Variants in PTPRT observed in about 807,000 individuals in gnomAD.
PTPRT encodes the protein receptor-type tyrosine-protein phosphatase T.
In PTPRT, 56 loss-of-function variants were observed where a neutral mutation model predicts 176.8. The observed-to-expected ratio is 0.32, with a 90% CI of 0.26 to 0.40. The LOEUF is 0.40. Ranked by LOEUF, PTPRT falls within the 10% of genes least tolerant of loss-of-function variation. The probability of loss-of-function intolerance (pLI) is 1.00; values close to 1 mark genes in which losing one functional copy is unlikely to be tolerated. For missense variants in PTPRT, 1,540 were observed against 1,908.2 expected (o/e 0.81, Z 3.60); for synonymous variants, 783 against 739.0 (o/e 1.06, Z -0.96).
intron 1 of PTPRT, among the ~76,000 whole-genome samples, chr20:43,116,581 A>G (rs369764050): frequency 6.6e-6 from 1 of 152,328 alleles, no homozygotes. Context: ...GACTTAGCTC[A>G]CACATTATCA....
the PTPRT span, among the ~76,000 whole-genome samples, chr20:42,062,886 G>C: frequency 1.3e-5 from 2 of 152,148 alleles, no homozygotes; most frequent in Non-Finnish European, 2.9e-5. Flanking sequence ...TATGCTGCCT[G>C]TGTCTCAGGG....
At chr20:42,321,195 G>C (rs1482324650) in intron 11 of PTPRT, among the ~76,000 whole-genome samples, 2 of 152,112 alleles carry the variant, frequency 1.3e-5, no homozygotes, top group Non-Finnish European at 2.9e-5. Context: ...TGAGGGCAGT[G>C]AACAGTCATC....
At chr20:43,178,232 C>T (rs1192498060) in intron 1 of PTPRT, among the ~76,000 whole-genome samples, 1 of 152,158 alleles carries the variant, frequency 6.6e-6, no homozygotes, top group Admixed American at 6.5e-5. Flanking sequence ...TCATCCCAGA[C>T]AATTTTGTTT....
At chr20:42,856,433 C>T (rs2078564675) in intron 2 of PTPRT, among the ~76,000 whole-genome samples, 1 of 152,056 alleles carries the variant, frequency 6.6e-6, no homozygotes, top group South Asian at 2.1e-4. Flanking sequence ...TTTTAAAACT[C>T]ACCCTGGAAG....
chr20:43,002,021 T>C lies in PTPRT; in HGVS notation c.89-116089A>G, dbSNP rs1984594612. Among the ~76,000 whole-genome samples, 5 of 152,278 alleles carry C rather than the reference T, an allele frequency of 3.3e-5. No individual in the cohort carries two copies. The Middle Eastern group carries it at 0.01, about 311-fold the overall frequency. On this transcript the variant is annotated intron_variant, in intron 1 of 30. Transcript: ENST00000373187. The stretch of plus-strand genomic sequence containing the variant: ...GAGGGAGAGACCTGGTAGGAAGTTA[T>C]TGGATTATGGGGGCGGCTTCCCCCA...
intron 26 of PTPRT, 146 bp downstream of exon 26, chr20:42,101,978 G>T: frequency 1.1e-6 from 1 of 924,808 alleles, no homozygotes; most frequent in South Asian, 1.9e-5. Flanking sequence ...AGCCTGCAGG[G>T]GAACAAAGGT....
At chr20:42,567,291 A>AAGAGAG (rs200210899) in intron 7 of PTPRT, among the ~76,000 whole-genome samples, 1 of 150,410 alleles carries the variant, frequency 6.6e-6, no homozygotes, top group South Asian at 2.1e-4. Context: ...AAAAAAATAA[A>AAGAGAG]AGAGAGAGAG....
intron 1 of PTPRT, among the ~76,000 whole-genome samples, chr20:43,119,949 G>C (rs369613872): frequency 3.9e-5 from 6 of 152,058 alleles, no homozygotes; most frequent in Admixed American, 2.6e-4. Flanking sequence ...TGAAACCCTC[G>C]GGCTTAGCAA....
intron 1 of PTPRT, among the ~76,000 whole-genome samples, chr20:42,913,131 A>C (rs1388897908): frequency 6.6e-6 from 1 of 152,222 alleles, no homozygotes; most frequent in Non-Finnish European, 1.5e-5. Flanking sequence ...AAAGTGCTTA[A>C]AAAGGTACCT....
Position 43,184,504 on chromosome 20 carries a change from C to T in PTPRT, c.88+5142G>A, listed in dbSNP as rs568598735. Among the ~76,000 whole-genome samples the T allele has an allele frequency of 4.8e-3, 730 of 152,158 alleles. 3 individuals carry two copies. The highest frequency in any genetic ancestry group is 0.011 in the South Asian group (51 of 4,810). On this transcript the variant is annotated intron_variant, in intron 1 of 30. Transcript: ENST00000373187. ...GGGATTGAGACCATCCTGGCTAACACGGTGAAACTCTGTCTCTACTAAAAA... is the reference window on the plus strand; with the variant it reads ...GGGATTGAGACCATCCTGGCTAACATGGTGAAACTCTGTCTCTACTAAAAA...
chr20:42,668,362 C>T (rs6093711), intron 7 of PTPRT, among the ~76,000 whole-genome samples: 1 of 152,120 alleles, frequency 6.6e-6, no homozygotes, highest in Admixed American at 6.5e-5. Flanking sequence ...ACACTGCCAC[C>T]TTCTACAGAG....
intron 1 of PTPRT, among the ~76,000 whole-genome samples, chr20:43,172,840 GC>G (rs910187379): frequency 4.0e-5 from 6 of 150,444 alleles, no homozygotes; most frequent in Admixed American, 1.3e-4. Context: ...CTTAACTTGA[GC>G]CCACAGTCTG....
At chr20:42,161,993 A>C (rs2867062) in intron 16 of PTPRT, among the ~76,000 whole-genome samples, 93,329 of 151,910 alleles carry the variant, frequency 0.61, 29,177 homozygotes, top group African/African-American at 0.71. Flanking sequence ...CACATGTATA[A>C]TTCTGGTCTA....
intron 16 of PTPRT, among the ~76,000 whole-genome samples, chr20:42,163,085 AG>A (rs1989676378): frequency 6.6e-6 from 1 of 152,340 alleles, no homozygotes; most frequent in South Asian, 2.1e-4. Flanking sequence ...TGGTTGGAGT[AG>A]GGGATAAATT....
chr20:42,071,722 T>C (rs1053416801), downstream of PTPRT, among the ~76,000 whole-genome samples: 8 of 152,256 alleles, frequency 5.3e-5, no homozygotes, highest in South Asian at 2.1e-4. Flanking sequence ...AGTGGCGCAG[T>C]CTCAGCTTGC....
chr20:42,668,661 T>G (rs924045819), intron 7 of PTPRT, among the ~76,000 whole-genome samples: 2 of 151,174 alleles, frequency 1.3e-5, no homozygotes, highest in Non-Finnish European at 2.9e-5. Context: ...GAACATCTTA[T>G]GCCCTCACAG....
rs867051526 is a variant in PTPRT at position 42,633,819 on chromosome 20, A to G, written c.1153+44047T>C. Among the ~76,000 whole-genome samples, 380 of 85,578 alleles carry G rather than the reference A, an allele frequency of 4.4e-3. 14 individuals are homozygous for G. The highest frequency in any genetic ancestry group is 0.024 in the African/African-American group (360 of 14,950). The allele number at this position is 85,578 out of a possible 152,430, so 56.1% of individuals were successfully genotyped here. On this transcript the variant is annotated intron_variant, in intron 7 of 30. Coordinates refer to ENST00000373187, the MANE Select transcript of PTPRT (RefSeq NM_007050.6). ...TATATATATATATATATATATATAT[A>G]ATAAAATATTAATATATTATAATAA...
chr20:42,093,622 G>A (rs943470100), intron 27 of PTPRT, among the ~76,000 whole-genome samples: 1 of 152,142 alleles, frequency 6.6e-6, no homozygotes, highest in Non-Finnish European at 1.5e-5. Context: ...AATCCCCAAC[G>A]TACGCTCTTA....
At chr20:42,798,758 G>C (rs928773141) in intron 2 of PTPRT, among the ~76,000 whole-genome samples, 1 of 152,024 alleles carries the variant, frequency 6.6e-6, no homozygotes, top group South Asian at 2.1e-4. Context: ...GGTAAGTTGG[G>C]GTTTCAGCAT....
Sources: gnomAD v4.1 joint callset for allele counts (sites outside exome capture counted in the v4.1 genomes callset) on GRCh38, gnomAD v4.1.1 for gene constraint, MANE v1.5 for transcripts, NCBI Gene and HGNC (gene_info 2026-07-23, HGNC 2026-07-21) for gene names.